ETHE1: variants seen among roughly 807,000 people sequenced by gnomAD.
ETHE1 encodes persulfide dioxygenase ETHE1, mitochondrial.
A neutral mutation model predicts 25.7 loss-of-function variants in ETHE1; 16 were observed. The observed-to-expected ratio is 0.62, with a 90% CI of 0.42 to 0.95. The LOEUF is 0.95. ETHE1 is among the 40% of genes least tolerant of loss of function. ETHE1 has a pLI of 0.00. For synonymous variants in ETHE1, 139 were observed against 135.9 expected (o/e 1.02, Z -0.16); for missense variants, 300 against 333.6 (o/e 0.90, Z 0.79).
At chr19:43,523,910 TGGGTGAC>T (rs1174041507) in intron 3 of ETHE1, among the ~76,000 whole-genome samples, 1 of 151,964 alleles carries the variant, frequency 6.6e-6, no homozygotes, top group Admixed American at 6.6e-5. Context: ...CACTCCAGCC[TGGGTGAC>T]AGAGCAAGAC....
At position 43,508,690 on chromosome 19, in the gene ETHE1, T is replaced by C. The variant is rs1219071703; in HGVS notation, c.595+85A>G. 4.0e-5 allele frequency: 46 copies of C among 1,152,200 alleles called. 2 individuals are homozygous for C. In the South Asian group the frequency reaches 4.3e-4, roughly 11 times the overall value. The allele number at this position is 1,152,200 out of a possible 1,614,324, so 71.4% of individuals were successfully genotyped here. On this transcript the variant is annotated intron_variant, in intron 5 of 6. Transcript: ENST00000292147. ...CCAGAGAAATTTCTGAGACTGGTCG[T>C]CTTCATGCCCTACAAGGATTACAGA... is the stretch of plus-strand genomic sequence containing the variant.
At position 43,508,018 on chromosome 19, in the gene ETHE1, G is replaced by A. The variant is rs1002746898; in HGVS notation, c.638C>T (p.Pro213Leu). The change falls in exon 6 of 7, where the codon CCT (proline) becomes CTT (leucine). Residue 213 changes from proline (P) to leucine (L), a missense_variant. Physicochemically the swap from Pro to Leu is moderately conservative, Grantham distance 98. Coordinates refer to ENST00000292147, the MANE Select transcript of ETHE1 (RefSeq NM_014297.5). ...CTCCTCACAGCTGAGGGTGAGCCGA[G>A]GGTTCAGAGTCCTCTCCTCCTCCAC... ...STVEEERTLNPRLTLSCEEFV... is the reference protein window; with the variant it reads ...STVEEERTLNLRLTLSCEEFV... 1 of 1,614,134 alleles carries A rather than the reference G, an allele frequency of 6.2e-7. No individual in the cohort carries two copies. Among genetic ancestry groups the A allele is most frequent in the Admixed American group, 1.7e-5 (1 of 60,008 alleles).
In ETHE1 at chr19:43,511,516, G is replaced by A. The variant is rs566533497; in HGVS notation, c.426C>T (p.Phe142=). Reference sequence around the variant, plus strand: ...AGGCCATGCTGTGGTCATTCAGGACGAAGGTGACACAGCCTGGGGTGTGGC... The same window carrying A: ...AGGCCATGCTGTGGTCATTCAGGACAAAGGTGACACAGCCTGGGGTGTGGC... The part of the protein sequence containing the change: ...SPGHTPGCVT[F]VLNDHSMAFT... Residue 142 remains phenylalanine (F), a synonymous_variant, in exon 4 of 7, where the codon TTC becomes TTT. Transcript: ENST00000292147. The A allele has an allele frequency of 1.0e-4, 162 of 1,614,172 alleles. No homozygotes were observed. The South Asian group carries it at 1.1e-3, about 11-fold the overall frequency.
rs1972234833 is a variant in ETHE1, at chr19:43,525,969, C to T, written c.375+232G>A. 16 of 604,986 alleles carry T rather than the reference C, an allele frequency of 2.6e-5. 1 individual carries two copies. The South Asian group carries it at 3.2e-4, about 12-fold the overall frequency. 37.5% of individuals were successfully genotyped at this position (604,986 alleles called of 1,614,324 possible). On this transcript the variant is annotated intron_variant, in intron 3 of 6. Transcript: ENST00000292147. ...CTTTAGGAAGGAAACTCCTTAAATG[C>T]TGTTGACTTAGGAGTTCCGCCAGTG...
chr19:43,510,670 T>C (rs1971896466), intron 4 of ETHE1, among the ~76,000 whole-genome samples: 1 of 151,052 alleles, frequency 6.6e-6, no homozygotes, highest in African/African-American at 2.4e-5. Flanking sequence ...ATTTGTTTCT[T>C]AGAGAGGGAG....
intron 3 of ETHE1, among the ~76,000 whole-genome samples, chr19:43,521,573 G>A (rs948711884): frequency 2.0e-5 from 3 of 151,482 alleles, no homozygotes; most frequent in Admixed American, 6.6e-5. Context: ...GTGTTTTAGC[G>A]CAGGGAACTG....
At position 43,526,653 on chromosome 19, in the gene ETHE1, C is replaced by G. The variant is rs1348832704; in HGVS notation, c.88G>C (p.Glu30Gln). The G allele has an allele frequency of 1.9e-6, 3 of 1,613,652 alleles. No homozygotes were observed. The highest frequency in any genetic ancestry group is 2.5e-6 in the Non-Finnish European group (3 of 1,180,018). ...GAPILLRQMFEPVSCTFTYLL... is the reference protein window; with the variant it reads ...GAPILLRQMFQPVSCTFTYLL... ...TACGTGAAGGTGCAGCTCACAGGCT[C>G]GAACATCTGGGAACGGGGGACCCAG... The change falls in exon 2 of 7, where the codon GAG becomes CAG. Residue 30 changes from glutamate to glutamine, a missense_variant. Coordinates refer to ENST00000292147, the MANE Select transcript of ETHE1 (RefSeq NM_014297.5).
chr19:43,519,069 G>A (rs1568498009), intron 3 of ETHE1, among the ~76,000 whole-genome samples: 1 of 140,196 alleles, frequency 7.1e-6, no homozygotes, highest in Non-Finnish European at 1.5e-5. Context: ...GAGTGCAGTG[G>A]TGCGATCTCG....
intron 3 of ETHE1, among the ~76,000 whole-genome samples, chr19:43,521,669 C>CT (rs1481088196): frequency 7.1e-6 from 1 of 140,530 alleles, no homozygotes; most frequent in Admixed American, 7.1e-5. Flanking sequence ...GACTCTGTCT[C>CT]TAAAAAAAAA....
At chr19:43,518,283 G>A (rs1242715066) in intron 3 of ETHE1, among the ~76,000 whole-genome samples, 1 of 151,722 alleles carries the variant, frequency 6.6e-6, no homozygotes, top group Non-Finnish European at 1.5e-5. Context: ...TTGAGTCACC[G>A]AGAGGGGAAG....
rs547677767 is a variant in ETHE1, at chr19:43,520,238, T to C, written c.375+5963A>G. Among the ~76,000 whole-genome samples the C allele has an allele frequency of 1.1e-4, 16 of 152,074 alleles. No individual in the cohort carries two copies. In the South Asian group the frequency reaches 3.1e-3, roughly 30 times the overall value. ...GGGTGTGGTGGCACTCGCCTGTAAA[T>C]CCAGCTACTGCTACTCGGGAGGCTG... On this transcript the variant is annotated intron_variant, in intron 3 of 6. Transcript: ENST00000292147.
At position 43,526,362 on chromosome 19, in the gene ETHE1, G is replaced by C; in HGVS notation, c.227-13C>G. ...CAGTGGGTATTCACTGGGAGAGAGA[G>C]GAGGGACAGGTCCGGAGGGTACAGA... is the stretch of plus-strand genomic sequence containing the variant. On this transcript the variant is annotated splice_polypyrimidine_tract_variant and intron_variant, in intron 2 of 6. Transcript: ENST00000292147. 1.2e-6 allele frequency: 2 copies of C among 1,614,108 alleles called. 1 individual carries two copies. Among genetic ancestry groups the C allele is most frequent in the South Asian group, 2.2e-5 (2 of 91,084 alleles).
chr19:43,511,431 G>A lies in ETHE1; in HGVS notation c.505+6C>T. ...AGATCTTGGGCTGGATAAAGGAGCT[G>A]GTCACCTTGCTGGAAGTCTGTCCGC... On this transcript the variant is annotated splice_donor_region_variant and intron_variant, in intron 4 of 6. Transcript: ENST00000292147. 1.9e-6 allele frequency: 3 copies of A among 1,614,120 alleles called. No homozygotes were observed. The highest frequency in any genetic ancestry group is 2.5e-6 in the Non-Finnish European group (3 of 1,180,006).
chr19:43,519,605 T>G (rs906927347), intron 3 of ETHE1, among the ~76,000 whole-genome samples: 9 of 152,140 alleles, frequency 5.9e-5, no homozygotes, highest in Admixed American at 5.2e-4. Context: ...CAAAGAAACA[T>G]AACCCAGAAG....
chr19:43,516,604 T>A (rs1568496075), intron 3 of ETHE1, among the ~76,000 whole-genome samples: 1 of 148,184 alleles, frequency 6.7e-6, no homozygotes, highest in Non-Finnish European at 1.5e-5. Context: ...ATGCCTGGCT[T>A]TTTTTTCTTT....
In ETHE1 at chr19:43,527,000, G is replaced by A. The variant is rs544831398; in HGVS notation, c.81+97C>T. 218 of 1,535,338 alleles carry A rather than the reference G, an allele frequency of 1.4e-4. No homozygotes were observed. The African/African-American group carries it at 2.8e-3, about 20-fold the overall frequency. ...CCGCTTTCCGCAAGATGCAGGCGTG[G>A]GTCCCCCCGGATCTCTCCCTATTAA... On this transcript the variant is annotated intron_variant, in intron 1 of 6. Transcript: ENST00000292147.
At chr19:43,507,271 C>T (rs975707739) in intron 6 of ETHE1, among the ~76,000 whole-genome samples, 2 of 134,670 alleles carry the variant, frequency 1.5e-5, no homozygotes, top group Non-Finnish European at 3.2e-5. Context: ...CTCAGGAGTT[C>T]AGACCCCCAG....
intron 2 of ETHE1, 35 bp from the exon 3 acceptor site, chr19:43,526,384 C>A (rs1243378366): frequency 6.2e-7 from 1 of 1,613,574 alleles, no homozygotes; most frequent in South Asian, 1.1e-5. Flanking sequence ...CCGGAGGGTA[C>A]AGAAAGGACC....
In ETHE1 at chr19:43,527,124, C is replaced by T. The variant is rs2146021321; in HGVS notation, c.54G>A (p.Gly18=). Residue 18 remains glycine (G), a synonymous_variant, in exon 1 of 7, where the codon GGG becomes GGA. Transcript: ENST00000292147. ...GCCGCAGGAGGATGGGGGCTCCAGA[C>T]CCGCCGCGCTGGCTCAGCTGCCGCC... ...VARRQLSQRG[G]SGAPILLRQM... is the part of the protein sequence containing the mutation. The T allele has an allele frequency of 3.2e-6, 5 of 1,555,816 alleles. No individual in the cohort carries two copies. The highest frequency in any genetic ancestry group is 4.3e-6 in the Non-Finnish European group (5 of 1,153,868).
Sources: gnomAD v4.1 joint callset for allele counts (sites outside exome capture counted in the v4.1 genomes callset) on GRCh38, gnomAD v4.1.1 for gene constraint, MANE v1.5 for transcripts, NCBI Gene and HGNC (gene_info 2026-07-23, HGNC 2026-07-21) for gene names.